CSMD1: variants seen among roughly 807,000 people sequenced by gnomAD.
The protein encoded by CSMD1 is CUB and sushi domain-containing protein 1.
CSMD1 carries 213 observed loss-of-function variants against 417.5 expected under a neutral mutation model. The ratio of observed to expected loss-of-function variants is 0.51; its 90% CI spans 0.46 to 0.57. CSMD1 has a LOEUF of 0.57. Ranked by LOEUF, CSMD1 falls within the 20% of genes least tolerant of loss-of-function variation. The pLI is 0.00. For synonymous variants in CSMD1, 2,862 were observed against 1,736.8 expected, an observed-to-expected ratio of 1.65 and a Z score of -16.11; for missense variants, 6,923 against 4,529.7, an observed-to-expected ratio of 1.53 and a Z score of -15.17.
chr8:3,018,745 A>G, intron 51 of CSMD1, 95 bp from the exon 52 acceptor site: 1 of 1,212,292 alleles, frequency 8.2e-7, no homozygotes, highest in Non-Finnish European at 1.2e-6. Context: ...AAAAAACCAA[A>G]AAACTATTTT....
intron 2 of CSMD1, among the ~76,000 whole-genome samples, chr8:4,567,792 G>A (rs372172882): frequency 2.6e-5 from 4 of 151,514 alleles, no homozygotes; most frequent in South Asian, 4.2e-4. Flanking sequence ...TCGTATACCA[G>A]AAAGGAAAAA....
chr8:4,016,102 T>C (rs1796510373), intron 4 of CSMD1, among the ~76,000 whole-genome samples: 1 of 152,148 alleles, frequency 6.6e-6, no homozygotes, highest in South Asian at 2.1e-4. Context: ...CCAGGAAATT[T>C]TGGGATGGGA....
At position 3,230,255 on chromosome 8, in the gene CSMD1, G is replaced by T. The variant is rs755676360; in HGVS notation, c.4154-24C>A. 2.4e-5 allele frequency: 36 copies of T among 1,528,124 alleles called. No individual in the cohort carries two copies. The East Asian group carries it at 7.7e-4, about 33-fold the overall frequency. 94.7% of individuals were successfully genotyped at this position (1,528,124 alleles called of 1,614,324 possible). A position where few individuals can be genotyped will look rare whatever the true frequency, so the allele number is the denominator to read the frequency against. ...GGCTGCAAACAAAAGAGAAGGCAAG[G>T]TCACAGGCTGGAAAACATGGTTTCC... On this transcript the variant is annotated intron_variant, in intron 26 of 69. Coordinates refer to ENST00000635120, the MANE Select transcript of CSMD1 (RefSeq NM_033225.6).
intron 6 of CSMD1, among the ~76,000 whole-genome samples, chr8:3,742,463 C>T (rs1415359384): frequency 6.6e-6 from 1 of 152,144 alleles, no homozygotes; most frequent in African/African-American, 2.4e-5. Context: ...TTACAATAGG[C>T]CTGCGGTCTA....
intron 52 of CSMD1, among the ~76,000 whole-genome samples, chr8:3,011,343 G>C (rs1025881474): frequency 6.6e-6 from 1 of 152,084 alleles, no homozygotes; most frequent in Non-Finnish European, 1.5e-5. Context: ...GGGCAGGGGA[G>C]GCAGTGCTAA....
chr8:4,462,324 A>C (rs369486167), intron 2 of CSMD1, among the ~76,000 whole-genome samples: 3 of 152,312 alleles, frequency 2.0e-5, no homozygotes, highest in Non-Finnish European at 2.9e-5. Context: ...TCCAAAAACT[A>C]TAAGTGTTTA....
rs775689730 is a variant in CSMD1, at chr8:3,408,095, G to C, written c.1875C>G (p.Ile625Met). The C allele has an allele frequency of 1.9e-6, 3 of 1,613,900 alleles. No individual in the cohort carries two copies. The South Asian group carries it at 3.3e-5, about 18-fold the overall frequency. Residue 625 changes from isoleucine to methionine, a missense_variant, in exon 14 of 70, where the codon ATC becomes ATG. Physicochemically the swap from Ile to Met is conservative, Grantham distance 10 (BLOSUM62 1). Transcript: ENST00000635120. ...ISEPGSRIHL[I>M]FNDFDVEPQF... Reference sequence around the variant, plus strand: ...GAGGCTCAACATCAAAATCATTAAAGATTAGGTGAATTCGACTTCCTGGCT... The same window carrying C: ...GAGGCTCAACATCAAAATCATTAAACATTAGGTGAATTCGACTTCCTGGCT...
At chr8:3,197,816 C>G (rs958410492) in intron 33 of CSMD1, among the ~76,000 whole-genome samples, 3 of 152,118 alleles carry the variant, frequency 2.0e-5, no homozygotes, top group Non-Finnish European at 4.4e-5. Flanking sequence ...AAGCAATGTT[C>G]CATTTAACTT....
intron 3 of CSMD1, among the ~76,000 whole-genome samples, chr8:4,041,081 A>G (rs572079055): frequency 0.045 from 6,141 of 137,044 alleles, 440 homozygotes; most frequent in African/African-American, 0.16. Context: ...CAGTGGCGCG[A>G]TCTCGGCTCA....
At chr8:4,050,478 A>G (rs1253653465) in intron 3 of CSMD1, among the ~76,000 whole-genome samples, 2 of 152,244 alleles carry the variant, frequency 1.3e-5, no homozygotes, top group East Asian at 3.9e-4. Flanking sequence ...CATACGATGA[A>G]TTTTAATTGC....
chr8:2,939,384 A>C (rs1801708261), intron 69 of CSMD1, among the ~76,000 whole-genome samples: 1 of 152,224 alleles, frequency 6.6e-6, no homozygotes, highest in Non-Finnish European at 1.5e-5. Context: ...TGTTGAGTTA[A>C]AAATGAATCT....
intron 2 of CSMD1, among the ~76,000 whole-genome samples, chr8:4,610,229 G>C (rs191992559): frequency 3.3e-5 from 5 of 152,240 alleles, no homozygotes; most frequent in East Asian, 1.9e-4. Flanking sequence ...GCAAGAAAGA[G>C]AGACTAAATC....
At chr8:4,778,403 G>A (rs1474838465) in intron 1 of CSMD1, among the ~76,000 whole-genome samples, 1 of 151,966 alleles carries the variant, frequency 6.6e-6, no homozygotes, top group Non-Finnish European at 1.5e-5. Flanking sequence ...TCAATTTATT[G>A]ATTCTAGAGC....
At chr8:4,654,095 G>A (rs928180112) in intron 1 of CSMD1, among the ~76,000 whole-genome samples, 5 of 151,982 alleles carry the variant, frequency 3.3e-5, no homozygotes, top group East Asian at 1.9e-4. Context: ...TTTCTTTCCC[G>A]GTGCAAACCA....
chr8:3,805,599 G>C (rs772415666), intron 5 of CSMD1, among the ~76,000 whole-genome samples: 3 of 152,178 alleles, frequency 2.0e-5, no homozygotes, highest in East Asian at 1.9e-4. Flanking sequence ...CAGTTTTCCA[G>C]CTAAGAGTTA....
intron 37 of CSMD1, among the ~76,000 whole-genome samples, chr8:3,165,711 T>C (rs1820166121): frequency 1.3e-5 from 2 of 151,822 alleles, no homozygotes; most frequent in African/African-American, 4.8e-5. Flanking sequence ...GGGAGAACGG[T>C]GGTTTTTTGT....
intron 3 of CSMD1, among the ~76,000 whole-genome samples, chr8:4,310,921 T>G (rs1347421536): frequency 6.6e-6 from 1 of 152,116 alleles, no homozygotes; most frequent in Non-Finnish European, 1.5e-5. Flanking sequence ...TCACTAATCA[T>G]TAGAGAAATG....
At chr8:4,000,628 A>G (rs993931430) in intron 4 of CSMD1, among the ~76,000 whole-genome samples, 5 of 152,212 alleles carry the variant, frequency 3.3e-5, no homozygotes, top group African/African-American at 1.2e-4. Context: ...GATGAGGTAA[A>G]CAGGATCACT....
chr8:3,230,260 A>C (rs558261980), intron 26 of CSMD1, 29 bp from the exon 27 acceptor site: 3 of 1,515,954 alleles, frequency 2.0e-6, no homozygotes, highest in Admixed American at 2.2e-5. Flanking sequence ...GCAAGGTCAC[A>C]GGCTGGAAAA....
Sources: allele counts gnomAD v4.1 joint callset (sites outside exome capture counted in the v4.1 genomes callset), GRCh38; gene constraint gnomAD v4.1.1; transcripts MANE v1.5; gene names NCBI Gene and HGNC (gene_info 2026-07-23, HGNC 2026-07-21).